The following GNAI3 variants were observed in gnomAD, a reference collection of about 807,000 sequenced individuals.
GNAI3 encodes the protein guanine nucleotide-binding protein G(i) subunit alpha-3.
In GNAI3, 12 loss-of-function variants were observed where a neutral mutation model predicts 41.8. That is an observed-to-expected ratio of 0.29 (90% CI 0.18 to 0.47). The LOEUF (loss-of-function observed/expected upper bound fraction) is 0.47. Ranked by LOEUF, GNAI3 falls within the 20% of genes least tolerant of loss-of-function variation. GNAI3 has a pLI of 1.00. For missense variants in GNAI3, 360 were observed against 429.6 expected, an observed-to-expected ratio of 0.84 and a Z score of 1.43; for synonymous variants, 132 against 146.5, an observed-to-expected ratio of 0.90 and a Z score of 0.71.
chr1:109,585,459 GT>G (rs1260916267), intron 5 of GNAI3, among the ~76,000 whole-genome samples: 1 of 151,990 alleles, frequency 6.6e-6, no homozygotes, highest in East Asian at 1.9e-4. Context: ...GGTCAAGGCT[GT>G]TTTTTAGTTA....
chr1:109,581,619 T>TG (rs1648891353), intron 4 of GNAI3, among the ~76,000 whole-genome samples: 1 of 152,104 alleles, frequency 6.6e-6, no homozygotes, highest in East Asian at 1.9e-4. Flanking sequence ...CGGGCGCGGT[T>TG]GCTCACGCCT....
intron 1 of GNAI3, among the ~76,000 whole-genome samples, chr1:109,551,245 C>T (rs1175882656): frequency 3.3e-5 from 5 of 152,166 alleles, no homozygotes; most frequent in Non-Finnish European, 5.9e-5. Context: ...GTTGCAGAAA[C>T]ATATGTTCTT....
rs1421301929 is a variant in GNAI3, at chr1:109,599,166, T to C, written c.*6844T>C. On this transcript the variant is annotated 3_prime_UTR_variant, in exon 9 of 9. Coordinates refer to ENST00000369851, the MANE Select transcript of GNAI3 (RefSeq NM_006496.4). ...TTTTAAGACAACTTTTGTGCCGCTT[T>C]TATCCATTCTTCCTTTTATCCACAG... 1 of 204,804 alleles carries C rather than the reference T, an allele frequency of 4.9e-6. No homozygotes were observed. Among genetic ancestry groups the C allele is most frequent in the Non-Finnish European group, 1.1e-5 (1 of 93,668 alleles). The allele number at this position is 204,804 out of a possible 1,614,324, so 12.7% of individuals were successfully genotyped here.
At chr1:109,551,599 T>C (rs1213333304) in intron 1 of GNAI3, among the ~76,000 whole-genome samples, 1 of 152,202 alleles carries the variant, frequency 6.6e-6, no homozygotes, top group Non-Finnish European at 1.5e-5. Flanking sequence ...GCCTCAGTTT[T>C]CTTATCTTTA....
rs902444496 is a variant in GNAI3, at chr1:109,599,952, A to C, written c.*7630A>C. 6.6e-6 allele frequency: 1 copy of C among 152,186 alleles called. No homozygotes were observed. Among genetic ancestry groups the C allele is most frequent in the Non-Finnish European group, 1.5e-5 (1 of 68,040 alleles). 9.4% of individuals were successfully genotyped at this position (152,186 alleles called of 1,614,324 possible). On this transcript the variant is annotated 3_prime_UTR_variant, in exon 9 of 9. Coordinates refer to ENST00000369851, the MANE Select transcript of GNAI3 (RefSeq NM_006496.4). ...CCTGTTCTGGAGTTCTAGTTCTGCT[A>C]CTGCCTAGCGTTGTGATCTTGATGA...
intron 1 of GNAI3, among the ~76,000 whole-genome samples, chr1:109,572,297 G>A (rs995857957): frequency 1.3e-5 from 2 of 152,142 alleles, no homozygotes; most frequent in South Asian, 2.1e-4. Flanking sequence ...GCTACAGAGC[G>A]GGACTCCATC....
At chr1:109,549,743 G>A (rs1375049951) in intron 1 of GNAI3, among the ~76,000 whole-genome samples, 1 of 152,182 alleles carries the variant, frequency 6.6e-6, no homozygotes, top group Admixed American at 6.5e-5. Context: ...TCTGGTGGCT[G>A]TTTTATCCTT....
rs1649238747 is a variant in GNAI3, at chr1:109,594,182, A to G, written c.*1860A>G. 1 of 152,362 alleles carries G rather than the reference A, an allele frequency of 6.6e-6. No individual in the cohort carries two copies. Among genetic ancestry groups the G allele is most frequent in the South Asian group, 2.1e-4 (1 of 4,830 alleles). 9.4% of individuals were successfully genotyped at this position (152,362 alleles called of 1,614,324 possible). ...TGCCCACAATGTAAACAGGGTTGGT[A>G]GTTGTTACTCATTTTGAATATACCT... On this transcript the variant is annotated 3_prime_UTR_variant, in exon 9 of 9. Coordinates refer to ENST00000369851, the MANE Select transcript of GNAI3 (RefSeq NM_006496.4).
chr1:109,574,283 T>G (rs1571156067), intron 3 of GNAI3, among the ~76,000 whole-genome samples: 1 of 151,816 alleles, frequency 6.6e-6, no homozygotes, highest in African/African-American at 2.4e-5. Flanking sequence ...ATAACTGTTC[T>G]ATTCAATTGC....
chr1:109,569,389 A>G (rs1031796348), intron 1 of GNAI3, among the ~76,000 whole-genome samples: 2 of 152,222 alleles, frequency 1.3e-5, no homozygotes, highest in Non-Finnish European at 2.9e-5. Context: ...GAAGATGGGC[A>G]ACTGAATCTC....
intron 1 of GNAI3, among the ~76,000 whole-genome samples, chr1:109,555,808 C>T (rs1250087327): frequency 1.3e-5 from 2 of 152,154 alleles, no homozygotes; most frequent in Non-Finnish European, 2.9e-5. Context: ...TGCTGTTCCT[C>T]CCCCGTGGTG....
intron 1 of GNAI3, among the ~76,000 whole-genome samples, chr1:109,550,537 C>CTT (rs370352103): frequency 1.9e-4 from 28 of 145,276 alleles, no homozygotes; most frequent in South Asian, 2.2e-4. Context: ...AGGGCGTTAA[C>CTT]TTTTTTTTTT....
At chr1:109,568,145 A>G (rs889586309) in intron 1 of GNAI3, among the ~76,000 whole-genome samples, 1 of 152,178 alleles carries the variant, frequency 6.6e-6, no homozygotes, top group African/African-American at 2.4e-5. Context: ...AATTATCACC[A>G]TCTCTCACTT....
At chr1:109,581,615 C>T (rs1258931100) in intron 4 of GNAI3, among the ~76,000 whole-genome samples, 10 of 152,150 alleles carry the variant, frequency 6.6e-5, no homozygotes, top group Non-Finnish European at 8.8e-5. Context: ...TGTCCGGGCG[C>T]GGTTGCTCAC....
intron 3 of GNAI3, among the ~76,000 whole-genome samples, chr1:109,574,341 A>G (rs1648683840): frequency 6.6e-6 from 1 of 151,616 alleles, no homozygotes; most frequent in South Asian, 2.1e-4. Flanking sequence ...GTAGTAGATA[A>G]TAGTACATTA....
chr1:109,578,846 G>C (rs1190780358), intron 3 of GNAI3, among the ~76,000 whole-genome samples: 1 of 152,034 alleles, frequency 6.6e-6, no homozygotes, highest in South Asian at 2.1e-4. Flanking sequence ...TTAATAGAAC[G>C]GGAATGTTTT....
intron 3 of GNAI3, among the ~76,000 whole-genome samples, chr1:109,575,420 G>GT (rs1265190605): frequency 4.7e-5 from 7 of 148,882 alleles, no homozygotes; most frequent in African/African-American, 1.7e-4. Flanking sequence ...CTCTCTGTTG[G>GT]TTTTTTCTCT....
intron 1 of GNAI3, among the ~76,000 whole-genome samples, chr1:109,572,615 A>G (rs1160572948): frequency 6.6e-6 from 1 of 152,178 alleles, no homozygotes; most frequent in Admixed American, 6.5e-5. Flanking sequence ...TAGATGGCAC[A>G]TTAGAGGAGT....
At chr1:109,574,284 A>T (rs959171336) in intron 3 of GNAI3, among the ~76,000 whole-genome samples, 21 of 150,442 alleles carry the variant, frequency 1.4e-4, no homozygotes, top group Non-Finnish European at 2.2e-4. Flanking sequence ...TAACTGTTCT[A>T]TTCAATTGCT....
Sources: allele counts gnomAD v4.1 joint callset (sites outside exome capture counted in the v4.1 genomes callset), GRCh38; gene constraint gnomAD v4.1.1; transcripts MANE v1.5; gene names NCBI Gene and HGNC (gene_info 2026-07-23, HGNC 2026-07-21).